The following HPSE2 variants were observed in gnomAD, a reference collection of about 807,000 sequenced individuals.
HPSE2 encodes inactive heparanase-2.
Under a neutral mutation model 60.5 loss-of-function variants are expected in HPSE2, and 38 were observed. That is an observed-to-expected ratio of 0.63 (90% CI 0.48 to 0.82). The LOEUF is 0.82. Ranked by LOEUF, HPSE2 falls within the 40% of genes least tolerant of loss-of-function variation. HPSE2 has a pLI of 0.00. For synonymous variants in HPSE2, 295 were observed against 293.2 expected (o/e 1.01, Z -0.06); for missense variants, 713 against 740.4 (o/e 0.96, Z 0.43).
the HPSE2 span, among the ~76,000 whole-genome samples, chr10:99,264,755 G>A: frequency 2.0e-5 from 3 of 151,974 alleles, no homozygotes; most frequent in African/African-American, 7.3e-5. Flanking sequence ...ACTGCCTCCA[G>A]GTCATCACCA....
chr10:99,033,009 C>G (rs1454381508), intron 3 of HPSE2, among the ~76,000 whole-genome samples: 1 of 152,172 alleles, frequency 6.6e-6, no homozygotes, highest in East Asian at 1.9e-4. Flanking sequence ...TTAAATTCCC[C>G]TTTGCCATGT....
At chr10:98,630,369 TTGTATTTTTAGTAGAGACGG>T in intron 7 of HPSE2, among the ~76,000 whole-genome samples, 1 of 152,120 alleles carries the variant, frequency 6.6e-6, no homozygotes, top group East Asian at 1.9e-4. Context: ...AACTAATTTT[TTGTATTTTTAGTAGAGACGG>T]TGTTTCACCA....
At chr10:98,699,341 G>A (rs11189755) in intron 5 of HPSE2, among the ~76,000 whole-genome samples, 28,547 of 144,822 alleles carry the variant, frequency 0.2, 3,166 homozygotes, top group East Asian at 0.38. Flanking sequence ...TTCAATATAC[G>A]CAAATCAATA....
chr10:98,545,222 G>C (rs1000289910), intron 9 of HPSE2, among the ~76,000 whole-genome samples: 22 of 151,732 alleles, frequency 1.4e-4, no homozygotes, highest in Middle Eastern at 3.2e-3. Flanking sequence ...TTCTACCAGA[G>C]GTACAAGGAG....
At chr10:99,170,211 G>A (rs1267568003) in intron 2 of HPSE2, among the ~76,000 whole-genome samples, 3 of 152,152 alleles carry the variant, frequency 2.0e-5, no homozygotes, top group Non-Finnish European at 1.5e-5. Flanking sequence ...CAAGCCTCCT[G>A]ACTGCTAATG....
At chr10:98,485,240 T>C (rs150945680) in intron 10 of HPSE2, among the ~76,000 whole-genome samples, 22 of 152,328 alleles carry the variant, frequency 1.4e-4, no homozygotes, top group Middle Eastern at 3.4e-3. Flanking sequence ...CTTTCTGGGA[T>C]ATTTGGCAGA....
At chr10:98,716,334 C>T (rs1481319998) in intron 5 of HPSE2, among the ~76,000 whole-genome samples, 12 of 151,836 alleles carry the variant, frequency 7.9e-5, no homozygotes, top group African/African-American at 2.9e-4. Context: ...GTTAATAATG[C>T]TATTTCATCT....
intron 3 of HPSE2, among the ~76,000 whole-genome samples, chr10:99,106,528 C>T (rs558577879): frequency 9.4e-4 from 143 of 151,860 alleles, no homozygotes; most frequent in African/African-American, 3.4e-3. Flanking sequence ...ATAAATCCAA[C>T]TGGGTCATGA....
chr10:99,168,993 GA>G lies in HPSE2; in HGVS notation c.449-24595del, dbSNP rs536832455. Reference sequence around the variant, plus strand: ...GTGGATCACAAGGTCAGGAGATCGAGACCATCCTGTGAATGGTGAAACCCCA... The same window carrying G: ...GTGGATCACAAGGTCAGGAGATCGAGCCATCCTGTGAATGGTGAAACCCCA... On this transcript the variant is annotated intron_variant, in intron 2 of 11. Transcript: ENST00000370552. Among the ~76,000 whole-genome samples, 305 of 152,042 alleles carry G rather than the reference GA, an allele frequency of 2.0e-3. 1 individual carries two copies. The highest frequency in any genetic ancestry group is 7.1e-3 in the African/African-American group (296 of 41,474).
chr10:98,834,297 G>C (rs1241585813), intron 3 of HPSE2, among the ~76,000 whole-genome samples: 2 of 152,094 alleles, frequency 1.3e-5, no homozygotes, highest in African/African-American at 4.8e-5. Flanking sequence ...ATCCATTAGT[G>C]ATACTTTAAA....
intron 3 of HPSE2, among the ~76,000 whole-genome samples, chr10:98,790,310 A>C (rs1474263370): frequency 6.6e-6 from 1 of 152,204 alleles, no homozygotes; most frequent in Non-Finnish European, 1.5e-5. Context: ...TCTCTTCAAT[A>C]TGCCAATTTC....
chr10:98,805,666 A>G (rs1951025964), intron 3 of HPSE2, among the ~76,000 whole-genome samples: 1 of 152,138 alleles, frequency 6.6e-6, no homozygotes, highest in Non-Finnish European at 1.5e-5. Flanking sequence ...CTGACTTTAA[A>G]TATAAATTTA....
chr10:98,876,620 C>T (rs1952884388), intron 3 of HPSE2, among the ~76,000 whole-genome samples: 1 of 151,856 alleles, frequency 6.6e-6, no homozygotes, highest in African/African-American at 2.4e-5. Context: ...TAGCCTAACT[C>T]TATGCAGACT....
At chr10:98,789,896 C>T (rs1950619444) in intron 3 of HPSE2, among the ~76,000 whole-genome samples, 1 of 152,104 alleles carries the variant, frequency 6.6e-6, no homozygotes, top group Non-Finnish European at 1.5e-5. Context: ...AATATTCCCA[C>T]GTAATAGTTG....
intron 2 of HPSE2, among the ~76,000 whole-genome samples, chr10:99,158,910 A>G (rs1056401603): frequency 9.9e-5 from 15 of 152,180 alleles, no homozygotes; most frequent in African/African-American, 3.6e-4. Context: ...ATTCAATCAT[A>G]TTAATAATTG....
chr10:98,721,761 G>A lies in HPSE2; in HGVS notation c.852C>T (p.Ile284=). The stretch of plus-strand genomic sequence containing the variant: ...TGGGCTGCAACAGGCTCTTCAGCTG[G>A]ATGTAATCCTTTCCCAACTGGCTGC... ...VNGSQLGKDY[I]QLKSLLQPIR... is the part of the protein sequence containing the mutation. The change falls in exon 5 of 12, where the codon ATC becomes ATT. Residue 284 remains isoleucine, a synonymous_variant. Coordinates refer to ENST00000370552, the MANE Select transcript of HPSE2 (RefSeq NM_021828.5). 1.2e-6 allele frequency: 2 copies of A among 1,613,648 alleles called. No homozygotes were observed. Among genetic ancestry groups the A allele is most frequent in the Non-Finnish European group, 8.5e-7 (1 of 1,179,822 alleles).
chr10:98,714,959 C>T (rs369149790), intron 5 of HPSE2, among the ~76,000 whole-genome samples: 3 of 151,818 alleles, frequency 2.0e-5, no homozygotes, highest in African/African-American at 7.2e-5. Flanking sequence ...TATTCACGTG[C>T]TTATTGGCCA....
At chr10:99,080,893 G>GTACC (rs1482866424) in intron 3 of HPSE2, among the ~76,000 whole-genome samples, 1 of 152,140 alleles carries the variant, frequency 6.6e-6, no homozygotes, top group Non-Finnish European at 1.5e-5. Context: ...TTTGGAATAA[G>GTACC]TACCTATCTC....
chr10:99,259,866 G>C, the HPSE2 span, among the ~76,000 whole-genome samples: 1 of 152,162 alleles, frequency 6.6e-6, no homozygotes. Flanking sequence ...TGTGAACTGT[G>C]CATGTGCAGG....
Sources: gnomAD v4.1 joint callset for allele counts (sites outside exome capture counted in the v4.1 genomes callset) on GRCh38, gnomAD v4.1.1 for gene constraint, MANE v1.5 for transcripts, NCBI Gene and HGNC (gene_info 2026-07-23, HGNC 2026-07-21) for gene names.